ELP4: variants seen among roughly 807,000 people sequenced by gnomAD.
The protein encoded by ELP4 is elongator acetyltransferase complex subunit 4, also known as elongator complex protein 4.
ELP4 carries 51 observed loss-of-function variants against 48.9 expected under a neutral mutation model. The ratio of observed to expected loss-of-function variants is 1.04; its 90% confidence interval spans 0.83 to 1.32. ELP4 has a LOEUF of 1.32. ELP4 is among the 40% of genes most tolerant of loss of function. The pLI is 0.00. For missense variants in ELP4, 519 were observed against 514.6 expected (o/e 1.01, Z -0.08); for synonymous variants, 210 against 189.2 (o/e 1.11, Z -0.90).
intron 2 of ELP4, among the ~76,000 whole-genome samples, chr11:31,535,516 A>C (rs1956485148): frequency 6.6e-6 from 1 of 151,842 alleles, no homozygotes; most frequent in South Asian, 2.1e-4. Context: ...CTAATTTTTT[A>C]TTATTTTTTG....
chr11:31,698,984 G>T (rs994253550), intron 9 of ELP4, among the ~76,000 whole-genome samples: 3 of 152,076 alleles, frequency 2.0e-5, no homozygotes, highest in Admixed American at 2.0e-4. Context: ...CAAATAAATG[G>T]TCATGATTAT....
intron 9 of ELP4, among the ~76,000 whole-genome samples, chr11:31,668,026 A>T (rs1554968921): frequency 6.6e-6 from 1 of 152,166 alleles, no homozygotes; most frequent in Non-Finnish European, 1.5e-5. Context: ...TTCTAATCAG[A>T]AGAATTCATA....
intron 2 of ELP4, among the ~76,000 whole-genome samples, chr11:31,521,073 T>A (rs1189898990): frequency 6.6e-6 from 1 of 152,078 alleles, no homozygotes; most frequent in African/African-American, 2.4e-5. Context: ...AAAAAGTATT[T>A]TGGAAGAATT....
rs539424324 is a variant in ELP4 at position 31,687,175 on chromosome 11, G to A, written c.1143+36954G>A. 5.9e-5 allele frequency among the ~76,000 whole-genome samples: 9 copies of A among 152,262 alleles called. No individual in the cohort carries two copies. The South Asian group carries it at 1.2e-3, about 21-fold the overall frequency. ...GAAAAGATGCAGTTTGGGACATGTA[G>A]AATAGGACATATAGGTGGATATAGC... On this transcript the variant is annotated intron_variant, in intron 9 of 9. Transcript: ENST00000640961.
intron 9 of ELP4, among the ~76,000 whole-genome samples, chr11:31,743,756 A>G (rs1248395994): frequency 6.6e-6 from 1 of 152,164 alleles, no homozygotes; most frequent in African/African-American, 2.4e-5. Context: ...CAGTGTGTAG[A>G]GGGAAATTTA....
Position 31,783,432 on chromosome 11 carries a change from C to T in ELP4, c.1183C>T (p.Arg395Cys), listed in dbSNP as rs771110207. ...TCCAGACTTGTCAGACACAGTGAGC[C>T]GCTCAAGCAAAATGGATCTGGCAGA... ...LPPDLSDTVS[R>C]SSKMDLAESA... The change falls in exon 10 of 10, where the codon CGC becomes TGC. Residue 395 changes from arginine (R) to cysteine (C), a missense_variant. Transcript: ENST00000640961. 8.1e-5 allele frequency: 131 copies of T among 1,613,988 alleles called. No individual in the cohort carries two copies. Among genetic ancestry groups the T allele is most frequent in the South Asian group, 1.6e-4 (15 of 91,088 alleles).
chr11:31,706,810 A>C (rs915685345), intron 9 of ELP4, among the ~76,000 whole-genome samples: 1 of 152,000 alleles, frequency 6.6e-6, no homozygotes, highest in Non-Finnish European at 1.5e-5. Flanking sequence ...TTTAGCTCCC[A>C]CATATGAGTG....
chr11:31,541,697 T>C (rs77170772), intron 3 of ELP4, among the ~76,000 whole-genome samples: 1 of 152,234 alleles, frequency 6.6e-6, no homozygotes, highest in Non-Finnish European at 1.5e-5. Context: ...AGAGAACACA[T>C]TAATTTCAAA....
At chr11:31,782,517 G>T (rs536186014) in intron 9 of ELP4, among the ~76,000 whole-genome samples, 59 of 152,284 alleles carry the variant, frequency 3.9e-4, no homozygotes, top group African/African-American at 1.1e-3. Flanking sequence ...TAAATTTTGC[G>T]AGCTGGGAGC....
chr11:31,618,998 A>G (rs1374854542), intron 5 of ELP4, among the ~76,000 whole-genome samples: 2 of 152,060 alleles, frequency 1.3e-5, no homozygotes, highest in African/African-American at 4.8e-5. Flanking sequence ...GTGGTCACAT[A>G]CTACTTGGAA....
chr11:31,510,107 A>C, intron 1 of ELP4, 100 bp downstream of exon 1: 2 of 1,100,162 alleles, frequency 1.8e-6, no homozygotes, highest in South Asian at 1.4e-5. Context: ...CTGACCCCTA[A>C]ACCTTCGGAG....
intron 9 of ELP4, among the ~76,000 whole-genome samples, chr11:31,781,808 C>T (rs541801267): frequency 5.3e-5 from 8 of 152,086 alleles, no homozygotes; most frequent in Admixed American, 4.6e-4. Flanking sequence ...ATTCCTGAGC[C>T]TTTCATACCT....
chr11:31,763,450 T>C, intron 9 of ELP4: 1 of 1,609,822 alleles, frequency 6.2e-7, no homozygotes, highest in South Asian at 1.1e-5. Context: ...GAGGAACATT[T>C]ATCCTCCAGG....
chr11:31,520,036 T>G lies in ELP4; in HGVS notation c.224-20T>G, dbSNP rs567952199. On this transcript the variant is annotated intron_variant, in intron 1 of 9. Coordinates refer to ENST00000640961, the MANE Select transcript of ELP4 (RefSeq NM_019040.5). ...TGGAAAAGGTAAATTAATTTTCTTC[T>G]GGTTTTGTTTCATTTCCAGGTGGAG... 6.2e-7 allele frequency: 1 copy of G among 1,611,510 alleles called. No homozygotes were observed. The highest frequency in any genetic ancestry group is 1.7e-5 in the Admixed American group (1 of 59,490).
intron 4 of ELP4, among the ~76,000 whole-genome samples, chr11:31,596,988 T>C (rs1181791855): frequency 6.6e-6 from 1 of 152,164 alleles, no homozygotes; most frequent in East Asian, 1.9e-4. Flanking sequence ...TGATCTAACT[T>C]GGTAAGACAC....
At chr11:31,735,451 C>T (rs1418806953) in intron 9 of ELP4, among the ~76,000 whole-genome samples, 2 of 152,184 alleles carry the variant, frequency 1.3e-5, no homozygotes, top group South Asian at 2.1e-4. Context: ...TCCTATTCAA[C>T]ATAATGTTGG....
At chr11:31,636,949 A>T (rs1944991356) in intron 7 of ELP4, among the ~76,000 whole-genome samples, 1 of 152,036 alleles carries the variant, frequency 6.6e-6, no homozygotes, top group African/African-American at 2.4e-5. Flanking sequence ...ATTATTACTC[A>T]TATTGTCTCT....
At chr11:31,725,718 C>T (rs771851606) in intron 9 of ELP4, among the ~76,000 whole-genome samples, 6 of 152,180 alleles carry the variant, frequency 3.9e-5, no homozygotes, top group South Asian at 2.1e-4. Context: ...CATTCCTTCC[C>T]GAAACTTCTT....
intron 7 of ELP4, among the ~76,000 whole-genome samples, chr11:31,643,468 G>C (rs779282680): frequency 6.6e-6 from 1 of 151,620 alleles, no homozygotes; most frequent in African/African-American, 2.4e-5. Context: ...TTTTGTGTTC[G>C]TACAAATTGC....
Sources: allele counts gnomAD v4.1 joint callset (sites outside exome capture counted in the v4.1 genomes callset), GRCh38; gene constraint gnomAD v4.1.1; transcripts MANE v1.5; gene names NCBI Gene and HGNC (gene_info 2026-07-23, HGNC 2026-07-21).